ELMO1: variants seen among roughly 807,000 people sequenced by gnomAD.
ELMO1 encodes the protein engulfment and cell motility protein 1.
ELMO1 carries 26 observed loss-of-function variants against 98.9 expected under a neutral mutation model. That is an observed-to-expected ratio of 0.26 (90% CI 0.19 to 0.36). The LOEUF is 0.36. Ranked by LOEUF, ELMO1 falls within the 10% of genes least tolerant of loss-of-function variation. The probability of loss-of-function intolerance (pLI) is 1.00; values close to 1 mark genes in which losing one functional copy is unlikely to be tolerated. For synonymous variants in ELMO1, 346 were observed against 346.0 expected (o/e 1.00, Z 0.00); for missense variants, 627 against 935.2 (o/e 0.67, Z 4.30).
In ELMO1 at chr7:36,861,696, T is replaced by C. The variant is rs1280353570; in HGVS notation, c.1946A>G (p.Asn649Ser). ...ELAFSILYDS[N>S]CQLNFIAPDK... The stretch of plus-strand genomic sequence containing the variant: ...AGGAGCGATGAAGTTCAGTTGGCAG[T>C]TTGAGTCATACAAGATGGAGAAAGC... Residue 649 changes from asparagine (N) to serine (S), a missense_variant, in exon 21 of 22, where the codon AAC becomes AGC. By Grantham distance (46) the Asn-to-Ser change is conservative (BLOSUM62 1). Coordinates refer to ENST00000310758, the MANE Select transcript of ELMO1 (RefSeq NM_014800.11). 4.3e-6 allele frequency: 7 copies of C among 1,610,444 alleles called. No individual in the cohort carries two copies. Among genetic ancestry groups the C allele is most frequent in the Non-Finnish European group, 5.9e-6 (7 of 1,179,426 alleles).
intron 1 of ELMO1, among the ~76,000 whole-genome samples, chr7:37,395,915 T>A (rs1430867220): frequency 4.0e-5 from 6 of 151,300 alleles, no homozygotes; most frequent in Non-Finnish European, 8.9e-5. Context: ...TGAGAAAAAA[T>A]GCAATAGTGT....
chr7:37,313,143 C>A (rs112918807), intron 4 of ELMO1, among the ~76,000 whole-genome samples: 1 of 152,128 alleles, frequency 6.6e-6, no homozygotes, highest in Non-Finnish European at 1.5e-5. Flanking sequence ...GGAAACTAAA[C>A]GTTTAAGTCA....
chr7:37,156,531 T>C (rs962229085), intron 13 of ELMO1, among the ~76,000 whole-genome samples: 1 of 152,152 alleles, frequency 6.6e-6, no homozygotes, highest in African/African-American at 2.4e-5. Context: ...CATCAGAGAA[T>C]ATTATAAACA....
intron 13 of ELMO1, among the ~76,000 whole-genome samples, chr7:37,165,416 G>C (rs1324080839): frequency 1.3e-5 from 2 of 151,938 alleles, no homozygotes; most frequent in Admixed American, 6.6e-5. Flanking sequence ...TCTTGTGCCA[G>C]TTTTCAAAGG....
At chr7:36,936,053 G>C (rs1481051278) in intron 16 of ELMO1, among the ~76,000 whole-genome samples, 1 of 152,124 alleles carries the variant, frequency 6.6e-6, no homozygotes, top group East Asian at 1.9e-4. Flanking sequence ...CCTAGCACCT[G>C]AGTGAATGCT....
At chr7:37,157,710 G>A (rs6968209) in intron 13 of ELMO1, among the ~76,000 whole-genome samples, 94,200 of 151,848 alleles carry the variant, frequency 0.62, 31,373 homozygotes, top group Non-Finnish European at 0.73. Flanking sequence ...AATCAATATC[G>A]TGAAAATGGC....
chr7:37,409,530 G>C (rs1489814450), intron 1 of ELMO1, among the ~76,000 whole-genome samples: 1 of 152,142 alleles, frequency 6.6e-6, no homozygotes, highest in Non-Finnish European at 1.5e-5. Context: ...GGGCTTGCTG[G>C]GGGATCCACT....
At chr7:36,940,376 G>A (rs1251908566) in intron 16 of ELMO1, among the ~76,000 whole-genome samples, 1 of 152,162 alleles carries the variant, frequency 6.6e-6, no homozygotes, top group Non-Finnish European at 1.5e-5. Flanking sequence ...TTCTACAGTG[G>A]GACTTAAGGA....
intron 2 of ELMO1, among the ~76,000 whole-genome samples, chr7:37,322,431 C>A (rs1319171095): frequency 2.0e-5 from 3 of 152,052 alleles, no homozygotes; most frequent in Non-Finnish European, 2.9e-5. Context: ...GCCTGGCCAA[C>A]ATGGTGAAAC....
chr7:37,439,181 G>A (rs940864947), intron 1 of ELMO1, among the ~76,000 whole-genome samples: 2 of 152,124 alleles, frequency 1.3e-5, no homozygotes, highest in Non-Finnish European at 2.9e-5. Flanking sequence ...CTATCCTCCA[G>A]GTTGCTCTCA....
intron 4 of ELMO1, among the ~76,000 whole-genome samples, chr7:37,302,125 G>A (rs887491424): frequency 2.0e-5 from 3 of 152,176 alleles, no homozygotes; most frequent in East Asian, 1.9e-4. Context: ...CCATGGGGAG[G>A]AGGAGTCTAT....
chr7:37,121,484 GC>G (rs1786034719), intron 14 of ELMO1, among the ~76,000 whole-genome samples: 1 of 152,232 alleles, frequency 6.6e-6, no homozygotes, highest in African/African-American at 2.4e-5. Flanking sequence ...AAATGCACAA[GC>G]TTCAGTAGCC....
rs186324345 is a variant in ELMO1 at position 36,877,991 on chromosome 7, G to A, written c.1822+19C>T. 172 of 1,596,698 alleles carry A rather than the reference G, an allele frequency of 1.1e-4. 3 individuals are homozygous for A. The Admixed American group carries it at 2.8e-3, about 26-fold the overall frequency. The stretch of plus-strand genomic sequence containing the variant: ...CCAACCGACCACCACTCAGGCCTCT[G>A]CCAAGGAGAGCTACTTACGTTTGTC... On this transcript the variant is annotated intron_variant, in intron 19 of 21. Coordinates refer to ENST00000310758, the MANE Select transcript of ELMO1 (RefSeq NM_014800.11).
In ELMO1 at chr7:37,183,552, A is replaced by T. The variant is rs368141730; in HGVS notation, c.1086+27834T>A. ...AAAAGCTGACCTCCTGTTACTCAGGACCCAGAAGAGAGAGAGAGAAATAGG... is the reference window on the plus strand; with the variant it reads ...AAAAGCTGACCTCCTGTTACTCAGGTCCCAGAAGAGAGAGAGAGAAATAGG... On this transcript the variant is annotated intron_variant, in intron 13 of 21. Transcript: ENST00000310758. Among the ~76,000 whole-genome samples the T allele has an allele frequency of 4.2e-3, 239 of 57,526 alleles. 2 individuals carry two copies. Among genetic ancestry groups the T allele is most frequent in the Middle Eastern group, 0.029 (4 of 136 alleles). The allele number at this position is 57,526 out of a possible 152,430, so 37.7% of individuals were successfully genotyped here.
intron 4 of ELMO1, among the ~76,000 whole-genome samples, chr7:37,306,738 A>G (rs1429183441): frequency 2.0e-5 from 3 of 152,230 alleles, no homozygotes; most frequent in African/African-American, 4.8e-5. Flanking sequence ...CAGCTTTGCT[A>G]TCAAAAAAAT....
intron 1 of ELMO1, among the ~76,000 whole-genome samples, chr7:37,359,619 G>A (rs1801623182): frequency 6.6e-6 from 1 of 152,130 alleles, no homozygotes; most frequent in Admixed American, 6.5e-5. Context: ...TGAGGAAACT[G>A]GTCACTTATT....
rs183742448 is a variant in ELMO1, at chr7:37,175,030, C to T, written c.1086+36356G>A. 2.7e-3 allele frequency among the ~76,000 whole-genome samples: 402 copies of T among 150,778 alleles called. 1 individual carries two copies. Among genetic ancestry groups the T allele is most frequent in the Non-Finnish European group, 3.4e-3 (230 of 67,816 alleles). On this transcript the variant is annotated intron_variant, in intron 13 of 21. Transcript: ENST00000310758. ...AAAAAATCAATGGCGAAGTGGGACC[C>T]GAGATAAAGTGGAGGGGGCAGAGAG...
At chr7:36,910,119 T>C (rs564266273) in intron 16 of ELMO1, among the ~76,000 whole-genome samples, 184 of 152,336 alleles carry the variant, frequency 1.2e-3, no homozygotes, top group African/African-American at 4.1e-3. Flanking sequence ...ACTCACAATA[T>C]TATTAGCAAT....
rs149905838 is a variant in ELMO1 at position 37,144,939 on chromosome 7, A to G, written c.1087-11705T>C. On this transcript the variant is annotated intron_variant, in intron 13 of 21. Transcript: ENST00000310758. ...TCTAAGACAGAAAATCTCTAAACTT[A>G]TTCTGTGCCCATACACCATGGCCAC... is the stretch of plus-strand genomic sequence containing the variant. Among the ~76,000 whole-genome samples the G allele has an allele frequency of 2.3e-3, 345 of 152,356 alleles. 1 individual carries two copies. The highest frequency in any genetic ancestry group is 7.8e-3 in the African/African-American group (325 of 41,586).
Sources: gnomAD v4.1 joint callset for allele counts (sites outside exome capture counted in the v4.1 genomes callset) on GRCh38, gnomAD v4.1.1 for gene constraint, MANE v1.5 for transcripts, NCBI Gene and HGNC (gene_info 2026-07-23, HGNC 2026-07-21) for gene names.